Variants in C6orf62 observed in about 807,000 individuals in gnomAD.
C6orf62 encodes uncharacterized protein C6orf62.
In C6orf62, 16 loss-of-function variants were observed where a neutral mutation model predicts 26.8. The observed-to-expected ratio is 0.60, with a 90% CI of 0.40 to 0.91. The LOEUF (loss-of-function observed/expected upper bound fraction) is 0.91, where lower values mean the gene tolerates loss of function less well. C6orf62 is among the 40% of genes least tolerant of loss of function. The probability of loss-of-function intolerance (pLI) is 0.00; values close to 1 mark genes in which losing one functional copy is unlikely to be tolerated. For missense variants in C6orf62, 192 were observed against 271.4 expected (o/e 0.71, Z 2.06); for synonymous variants, 112 against 91.5 (o/e 1.22, Z -1.28).
At chr6:24,719,438 C>A (rs1779307538), upstream of C6orf62, 5 of 1,076,214 alleles carry the variant, frequency 4.6e-6, no homozygotes, top group Non-Finnish European at 5.7e-6. Context: ...ATACCGGGGG[C>A]GGGCAGCTGT....
chr6:24,709,738 C>T (rs189742393), intron 3 of C6orf62: 3 of 985,442 alleles, frequency 3.0e-6, no homozygotes, highest in Admixed American at 6.1e-5. Flanking sequence ...GGAAGATCAA[C>T]TCCATCCTCC....
chr6:24,714,711 G>GT (rs1779189464), intron 2 of C6orf62, among the ~76,000 whole-genome samples: 1 of 152,144 alleles, frequency 6.6e-6, no homozygotes, highest in Admixed American at 6.6e-5. Flanking sequence ...CGCCTACCAG[G>GT]TTCAAGCGAT....
rs1220698692 is a variant in C6orf62, at chr6:24,718,785, T to C, written c.-117A>G. On this transcript the variant is annotated 5_prime_UTR_variant, in exon 1 of 5. Coordinates refer to ENST00000378119, the MANE Select transcript of C6orf62 (RefSeq NM_030939.5). ...TTTTTTTTCCTGCTAATATGATTGA[T>C]TAGCGAAAATCACGACTATAACCCA... The C allele has an allele frequency of 5.1e-6, 8 of 1,558,680 alleles. No homozygotes were observed. The African/African-American group carries it at 1.1e-4, about 22-fold the overall frequency.
chr6:24,719,875 C>T, upstream of C6orf62: 1 of 1,549,850 alleles, frequency 6.5e-7, no homozygotes. Flanking sequence ...CCACGGGAGA[C>T]ACAGGATCAC....
At chr6:24,709,281 A>G in intron 3 of C6orf62, 1 of 985,350 alleles carries the variant, frequency 1.0e-6, no homozygotes, top group Non-Finnish European at 1.2e-6. Context: ...AAATGACTAA[A>G]TCCTAGTACT....
upstream of C6orf62, chr6:24,720,416 G>T (rs1442464919): frequency 3.5e-6 from 4 of 1,135,458 alleles, no homozygotes; most frequent in Non-Finnish European, 4.3e-6. Context: ...TGCTGCCGCC[G>T]CTCAGCCCCC....
rs957447903 is a variant in C6orf62 at position 24,716,167 on chromosome 6, C to T, written c.287G>A (p.Arg96Gln). 11 of 1,613,850 alleles carry T rather than the reference C, an allele frequency of 6.8e-6. No individual in the cohort carries two copies. The highest frequency in any genetic ancestry group is 1.1e-5 in the South Asian group (1 of 91,066). ...ACTTACCCTTCTCATAGACTGATAT[C>T]GAGGAGCATGGAGCTGTACCACATC... ...QKDVVQLHAP[R>Q]YQSMRRDVIG... The change falls in exon 2 of 5, where the codon CGA becomes CAA. Residue 96 changes from arginine (R) to glutamine (Q), a missense_variant. Physicochemically the swap from Arg to Gln is conservative, Grantham distance 43 (BLOSUM62 1). Transcript: ENST00000378119.
In C6orf62 at chr6:24,705,899, A is replaced by C. The variant is rs970733311; in HGVS notation, c.*238T>G. 2.4e-5 allele frequency: 10 copies of C among 413,418 alleles called. No homozygotes were observed. Among genetic ancestry groups the C allele is most frequent in the African/African-American group, 2.0e-4 (10 of 49,940 alleles). The allele number at this position is 413,418 out of a possible 1,614,324, so 25.6% of individuals were successfully genotyped here. ...CACATTTTTAGTAAGATACTGATGC[A>C]GTGCAGCAAATATGCAAAGCATCTT... On this transcript the variant is annotated 3_prime_UTR_variant, in exon 5 of 5. Coordinates refer to ENST00000378119, the MANE Select transcript of C6orf62 (RefSeq NM_030939.5).
At chr6:24,708,736 T>C in intron 4 of C6orf62, 41 bp downstream of exon 4, 1 of 1,613,236 alleles carries the variant, frequency 6.2e-7, no homozygotes, top group African/African-American at 1.3e-5. Context: ...CCAATAAGTT[T>C]TTGAATGAGC....
rs1007385608 is a variant in C6orf62, at chr6:24,708,639, A to AT, written c.564+137dup. The AT allele has an allele frequency of 5.9e-6, 7 of 1,194,782 alleles. No homozygotes were observed. In the African/African-American group the frequency reaches 9.2e-5, roughly 16 times the overall value. 74.0% of individuals were successfully genotyped at this position (1,194,782 alleles called of 1,614,324 possible). On this transcript the variant is annotated intron_variant, in intron 4 of 4. Transcript: ENST00000378119. ...AGGCATGAGCCACCATGCCCAGCCT[A>AT]TTTTTTGCTTTTTAAATAACTTCAA...
rs558101720 is a variant in C6orf62, at chr6:24,712,761, G to C, written c.429+1557C>G. Among the ~76,000 whole-genome samples, 7 of 148,632 alleles carry C rather than the reference G, an allele frequency of 4.7e-5. No individual in the cohort carries two copies. The South Asian group carries it at 1.3e-3, about 27-fold the overall frequency. Reference sequence around the variant, plus strand: ...AATAAACATCAGCCATGACTTCAAAGAGTACTATTTGACACAAGACTAAAG... The same window carrying C: ...AATAAACATCAGCCATGACTTCAAACAGTACTATTTGACACAAGACTAAAG... On this transcript the variant is annotated intron_variant, in intron 3 of 4. Coordinates refer to ENST00000378119, the MANE Select transcript of C6orf62 (RefSeq NM_030939.5).
chr6:24,707,192 G>A (rs529551094), intron 4 of C6orf62: 4 of 152,100 alleles, frequency 2.6e-5, no homozygotes, highest in East Asian at 3.9e-4. Context: ...ACAACCTTAC[G>A]TTAAATTTAA....
intron 1 of C6orf62, among the ~76,000 whole-genome samples, chr6:24,716,600 A>T (rs903233412): frequency 6.6e-6 from 1 of 152,202 alleles, no homozygotes; most frequent in Non-Finnish European, 1.5e-5. Flanking sequence ...TACTTCTTAA[A>T]ATTAAAAATC....
chr6:24,720,368 C>A, upstream of C6orf62: 1 of 1,222,122 alleles, frequency 8.2e-7, no homozygotes, highest in Non-Finnish European at 1.0e-6. Context: ...GCCCCTCCAT[C>A]CCCGCTGCAG....
upstream of C6orf62, chr6:24,719,816 G>GCCGGGGCCCCCCCCCCCCC: frequency 6.9e-7 from 1 of 1,447,432 alleles, no homozygotes. Context: ...TTCCACCCCC[G>GCCGGGGCCCCCCCCCCCCC]CAGGTCCCAC....
chr6:24,712,689 T>TC (rs1398425189), intron 3 of C6orf62, among the ~76,000 whole-genome samples: 100 of 34,532 alleles, frequency 2.9e-3, no homozygotes, highest in African/African-American at 0.016. Context: ...AGACTCTGTC[T>TC]CAAAAAAAAA....
chr6:24,711,772 A>G (rs1779126294), intron 3 of C6orf62, among the ~76,000 whole-genome samples: 1 of 152,218 alleles, frequency 6.6e-6, no homozygotes, highest in Admixed American at 6.5e-5. Flanking sequence ...GTTATATTTA[A>G]GGCCCCTCAT....
intron 1 of C6orf62, among the ~76,000 whole-genome samples, chr6:24,718,009 A>G (rs1222192450): frequency 6.6e-6 from 1 of 152,230 alleles, no homozygotes; most frequent in Non-Finnish European, 1.5e-5. Context: ...AATGAACTCT[A>G]AGTAAAAAAG....
At chr6:24,710,510 T>A (rs1406643699) in intron 3 of C6orf62, 1 of 808,638 alleles carries the variant, frequency 1.2e-6, no homozygotes, top group Non-Finnish European at 1.5e-6. Flanking sequence ...GTGATCCATC[T>A]GGCTTAGCCT....
Sources: gnomAD v4.1 joint callset for allele counts (sites outside exome capture counted in the v4.1 genomes callset) on GRCh38, gnomAD v4.1.1 for gene constraint, MANE v1.5 for transcripts, NCBI Gene and HGNC (gene_info 2026-07-23, HGNC 2026-07-21) for gene names.